The following ATRNL1 variants were observed in gnomAD, a reference collection of about 807,000 sequenced individuals.
ATRNL1 encodes attractin-like protein 1.
ATRNL1 carries 95 observed loss-of-function variants against 182.7 expected under a neutral mutation model. The observed-to-expected ratio is 0.52, with a 90% CI of 0.44 to 0.62. The LOEUF is 0.62. ATRNL1 is among the 20% of genes least tolerant of loss of function. ATRNL1 has a pLI of 0.00. For synonymous variants in ATRNL1, 576 were observed against 568.3 expected (o/e 1.01, Z -0.19); for missense variants, 1,471 against 1,679.5 (o/e 0.88, Z 2.17).
At chr10:115,888,812 A>G (rs1952012782) in intron 28 of ATRNL1, among the ~76,000 whole-genome samples, 1 of 152,164 alleles carries the variant, frequency 6.6e-6, no homozygotes, top group African/African-American at 2.4e-5. Flanking sequence ...TTTTCCTAGC[A>G]TGTGGCTCAC....
intron 24 of ATRNL1, among the ~76,000 whole-genome samples, chr10:115,491,952 G>T (rs554423247): frequency 1.3e-5 from 2 of 152,142 alleles, no homozygotes; most frequent in African/African-American, 4.8e-5. Flanking sequence ...CCTGGAGTGC[G>T]CTGTTCCTCC....
intron 28 of ATRNL1, among the ~76,000 whole-genome samples, chr10:115,905,852 AT>A (rs1555114434): frequency 6.6e-6 from 1 of 152,196 alleles, no homozygotes; most frequent in African/African-American, 2.4e-5. Flanking sequence ...GACTTGATAA[AT>A]AATTGTTTTT....
At chr10:115,519,541 C>T (rs6585335) in intron 25 of ATRNL1, among the ~76,000 whole-genome samples, 107,598 of 152,004 alleles carry the variant, frequency 0.71, 39,295 homozygotes, top group African/African-American at 0.82. Flanking sequence ...ATTTAATAGC[C>T]AATGGATTCA....
Position 115,881,219 on chromosome 10 carries a change from C to T in ATRNL1, c.4018+33228C>T, listed in dbSNP as rs182202827. Among the ~76,000 whole-genome samples the T allele has an allele frequency of 1.3e-4, 20 of 152,310 alleles. No individual in the cohort carries two copies. In the East Asian group the frequency reaches 1.5e-3, roughly 12 times the overall value. ...CGTATCCAGCTATACATGGGAGTAC[C>T]GTAGTTCCAGGGCCACCACTAGCTT... On this transcript the variant is annotated intron_variant, in intron 28 of 28. Coordinates refer to ENST00000355044, the MANE Select transcript of ATRNL1 (RefSeq NM_207303.4).
chr10:115,343,899 A>T (rs1305036017), intron 19 of ATRNL1, among the ~76,000 whole-genome samples: 1 of 152,194 alleles, frequency 6.6e-6, no homozygotes, highest in Non-Finnish European at 1.5e-5. Flanking sequence ...GACTGCCTTG[A>T]TGGTCTTGGA....
intron 27 of ATRNL1, among the ~76,000 whole-genome samples, chr10:115,785,938 T>A (rs1232352584): frequency 6.6e-6 from 1 of 152,178 alleles, no homozygotes; most frequent in East Asian, 1.9e-4. Context: ...TAACAAGCAC[T>A]GACTTGCCTC....
At position 115,262,119 on chromosome 10, in the gene ATRNL1, A is replaced by G. The variant is rs115367317; in HGVS notation, c.1688-3074A>G. On this transcript the variant is annotated intron_variant, in intron 10 of 28. Transcript: ENST00000355044. The stretch of plus-strand genomic sequence containing the variant: ...CTTTATAGCTGTTTATTTAGAATTA[A>G]AAGTGCTTACCTCCATGATTCTGGA... 3.1e-3 allele frequency among the ~76,000 whole-genome samples: 475 copies of G among 152,068 alleles called. 3 individuals carry two copies. Among genetic ancestry groups the G allele is most frequent in the African/African-American group, 0.011 (454 of 41,526 alleles).
chr10:115,690,845 C>T (rs1555047939), intron 26 of ATRNL1, among the ~76,000 whole-genome samples: 2 of 152,154 alleles, frequency 1.3e-5, no homozygotes, highest in Admixed American at 1.3e-4. Flanking sequence ...AAATCACTCC[C>T]TATGCTAGCG....
At chr10:115,857,729 C>A (rs1951219999) in intron 28 of ATRNL1, among the ~76,000 whole-genome samples, 1 of 152,082 alleles carries the variant, frequency 6.6e-6, no homozygotes, top group Non-Finnish European at 1.5e-5. Context: ...GTGAAAATGG[C>A]TAATTAAACA....
intron 27 of ATRNL1, among the ~76,000 whole-genome samples, chr10:115,844,024 C>T (rs1046103254): frequency 1.3e-5 from 2 of 152,054 alleles, no homozygotes; most frequent in African/African-American, 4.8e-5. Flanking sequence ...TAGGTATTGA[C>T]ATCAGGCATA....
At chr10:115,188,722 T>C (rs1402702909) in intron 8 of ATRNL1, among the ~76,000 whole-genome samples, 1 of 118,266 alleles carries the variant, frequency 8.5e-6, no homozygotes, top group Non-Finnish European at 1.7e-5. Flanking sequence ...GTTTCTCCTC[T>C]GCTCTTAATA....
chr10:115,349,859 T>A (rs1333139214), intron 19 of ATRNL1, among the ~76,000 whole-genome samples: 2 of 152,210 alleles, frequency 1.3e-5, no homozygotes, highest in East Asian at 3.8e-4. Context: ...TATTAATCCC[T>A]TGTCATATGA....
intron 21 of ATRNL1, among the ~76,000 whole-genome samples, chr10:115,444,897 A>G (rs1396377230): frequency 6.6e-6 from 1 of 150,852 alleles, no homozygotes; most frequent in African/African-American, 2.4e-5. Flanking sequence ...ACGCCAGCCT[A>G]TTTTTGTATT....
intron 27 of ATRNL1, among the ~76,000 whole-genome samples, chr10:115,768,617 G>A (rs1555075606): frequency 2.6e-5 from 4 of 152,044 alleles, no homozygotes; most frequent in Admixed American, 6.6e-5. Flanking sequence ...GCAACTCCAC[G>A]CCGTGAACAC....
At position 115,717,736 on chromosome 10, in the gene ATRNL1, G is replaced by A. The variant is rs188280580; in HGVS notation, c.3796-9512G>A. Among the ~76,000 whole-genome samples the A allele has an allele frequency of 2.3e-3, 352 of 151,692 alleles. 6 individuals are homozygous for A. Among genetic ancestry groups the A allele is most frequent in the South Asian group, 2.3e-3 (11 of 4,784 alleles). ...CCAGCTAATTTTTGTATTTTTAGTA[G>A]AGACAGGATTTCACCATGTCAGTTG... On this transcript the variant is annotated intron_variant, in intron 26 of 28. Transcript: ENST00000355044.
chr10:115,151,772 A>G (rs1376626180), intron 5 of ATRNL1, among the ~76,000 whole-genome samples: 2 of 152,072 alleles, frequency 1.3e-5, no homozygotes, highest in Non-Finnish European at 2.9e-5. Context: ...GGTGTTTTAG[A>G]CATGAAGTCC....
At position 115,167,162 on chromosome 10, in the gene ATRNL1, C is replaced by T. The variant is rs531637595; in HGVS notation, c.1092+1517C>T. The stretch of plus-strand genomic sequence containing the variant: ...TTGTTAAAAAAGAAACTGTCTTTTT[C>T]CCATTAAATGGTCTTGGCACCCTAG... On this transcript the variant is annotated intron_variant, in intron 7 of 28. Transcript: ENST00000355044. Among the ~76,000 whole-genome samples the T allele has an allele frequency of 1.1e-4, 17 of 151,908 alleles. No homozygotes were observed. In the South Asian group the frequency reaches 3.5e-3, roughly 32 times the overall value.
At chr10:115,179,679 G>A (rs1328052929) in intron 8 of ATRNL1, among the ~76,000 whole-genome samples, 3 of 151,998 alleles carry the variant, frequency 2.0e-5, no homozygotes, top group African/African-American at 7.2e-5. Context: ...TTCTTATTCT[G>A]GAAGTTGAGA....
intron 9 of ATRNL1, among the ~76,000 whole-genome samples, chr10:115,233,763 C>T (rs933574784): frequency 6.6e-6 from 1 of 151,808 alleles, no homozygotes; most frequent in Non-Finnish European, 1.5e-5. Flanking sequence ...GAATGACTTA[C>T]TTGATTTTTC....
Sources: gnomAD v4.1 joint callset for allele counts (sites outside exome capture counted in the v4.1 genomes callset) on GRCh38, gnomAD v4.1.1 for gene constraint, MANE v1.5 for transcripts, NCBI Gene and HGNC (gene_info 2026-07-23, HGNC 2026-07-21) for gene names.